GLMN: variants seen among roughly 807,000 people sequenced by gnomAD.
GLMN encodes the protein glomulin, FKBP associated protein, also known as glomulin.
In GLMN, 75 loss-of-function variants were observed where a neutral mutation model predicts 87.8. The ratio of observed to expected loss-of-function variants is 0.85; its 90% CI spans 0.71 to 1.04. The LOEUF (loss-of-function observed/expected upper bound fraction) is 1.04. Among genes scored for constraint, GLMN ranks in the 50% least tolerant of loss-of-function variants. The pLI, the probability that GLMN is intolerant of heterozygous loss-of-function variation, is 0.00. For synonymous variants in GLMN, 206 were observed against 221.6 expected, an observed-to-expected ratio of 0.93 and a Z score of 0.63; for missense variants, 588 against 658.8, an observed-to-expected ratio of 0.89 and a Z score of 1.18.
intron 16 of GLMN, among the ~76,000 whole-genome samples, chr1:92,257,154 G>C (rs935990284): frequency 6.6e-6 from 1 of 152,122 alleles, no homozygotes; most frequent in Non-Finnish European, 1.5e-5. Context: ...ATTCACAATT[G>C]CTACAAAGAG....
upstream of GLMN, chr1:92,300,177 CTG>C (rs1424332079): frequency 5.7e-6 from 9 of 1,584,840 alleles, no homozygotes; most frequent in South Asian, 1.1e-5. Context: ...TAGCACATGA[CTG>C]TATTTTTATT....
the GLMN span, among the ~76,000 whole-genome samples, chr1:92,350,502 G>A: frequency 8.5e-5 from 13 of 152,122 alleles, no homozygotes; most frequent in African/African-American, 2.7e-4. Context: ...ATCTGATTTT[G>A]TTCCTGGAAA....
At chr1:92,247,227 TA>T in intron 17 of GLMN, 83 bp from the exon 18 acceptor site, 1 of 776,966 alleles carries the variant, frequency 1.3e-6, no homozygotes. Context: ...TTCACTAACT[TA>T]AAACATGTCA....
chr1:92,364,659 C>G, the GLMN span, among the ~76,000 whole-genome samples: 20 of 152,276 alleles, frequency 1.3e-4, no homozygotes, highest in African/African-American at 4.8e-4. Context: ...TCTCTCATAT[C>G]TAATCAATTG....
At chr1:92,338,410 C>T in the GLMN span, among the ~76,000 whole-genome samples, 2 of 152,110 alleles carry the variant, frequency 1.3e-5, no homozygotes, top group African/African-American at 2.4e-5. Flanking sequence ...TTAGTAATGA[C>T]GAGAGACATT....
chr1:92,286,666 T>C (rs1648793318), intron 6 of GLMN, 74 bp from the exon 7 acceptor site: 1 of 779,744 alleles, frequency 1.3e-6, no homozygotes. Context: ...CAAATCTAAG[T>C]TAATTTTACT....
chr1:92,276,675 C>T (rs1647333992), intron 7 of GLMN, among the ~76,000 whole-genome samples: 1 of 152,086 alleles, frequency 6.6e-6, no homozygotes, highest in Non-Finnish European at 1.5e-5. Flanking sequence ...AAAATTTTAA[C>T]AAAAGGTAAT....
chr1:92,246,764 T>A, intron 18 of GLMN, 118 bp from the exon 19 acceptor site: 1 of 726,922 alleles, frequency 1.4e-6, no homozygotes, highest in Non-Finnish European at 2.5e-6. Context: ...GGTACAGTGG[T>A]TTGCACCTGT....
intron 16 of GLMN, among the ~76,000 whole-genome samples, chr1:92,252,381 G>A (rs993914055): frequency 1.3e-5 from 2 of 152,114 alleles, no homozygotes; most frequent in East Asian, 3.9e-4. Context: ...GCTATAGAGT[G>A]AGACCCCAAC....
chr1:92,363,520 G>A, the GLMN span, among the ~76,000 whole-genome samples: 1 of 152,164 alleles, frequency 6.6e-6, no homozygotes, highest in South Asian at 2.1e-4. Context: ...CAGTGAAGTA[G>A]GGTATGAGGT....
the GLMN span, among the ~76,000 whole-genome samples, chr1:92,358,444 A>C: frequency 2.8e-4 from 42 of 152,244 alleles, no homozygotes; most frequent in Non-Finnish European, 4.7e-4. Flanking sequence ...TAGATAAAAT[A>C]TCTCTATACA....
the GLMN span, among the ~76,000 whole-genome samples, chr1:92,324,742 G>A: frequency 6.6e-6 from 1 of 152,106 alleles, no homozygotes; most frequent in Non-Finnish European, 1.5e-5. Context: ...GTGTGTGTGT[G>A]TTTAATGGAA....
the GLMN span, chr1:92,304,013 G>T: frequency 6.8e-6 from 11 of 1,612,930 alleles, no homozygotes; most frequent in Non-Finnish European, 9.3e-6. Context: ...CAGTGATGTC[G>T]TGGATGAACG....
intron 7 of GLMN, among the ~76,000 whole-genome samples, chr1:92,282,698 T>G (rs1648224041): frequency 6.6e-6 from 1 of 152,078 alleles, no homozygotes; most frequent in Non-Finnish European, 1.5e-5. Flanking sequence ...GCTGCTTTTT[T>G]GAAAAGATCA....
intron 16 of GLMN, 174 bp from the exon 17 acceptor site, chr1:92,248,163 G>C (rs907250727): frequency 2.0e-5 from 11 of 563,766 alleles, no homozygotes; most frequent in Non-Finnish European, 3.5e-5. Context: ...CCAATTAAAA[G>C]AAAAATGTAC....
the GLMN span, among the ~76,000 whole-genome samples, chr1:92,317,809 A>T: frequency 6.6e-6 from 1 of 152,146 alleles, no homozygotes; most frequent in African/African-American, 2.4e-5. Context: ...AAAAATAACA[A>T]GTTGTATAGC....
At chr1:92,280,342 C>A (rs1392620274) in intron 7 of GLMN, among the ~76,000 whole-genome samples, 2 of 152,182 alleles carry the variant, frequency 1.3e-5, no homozygotes, top group African/African-American at 2.4e-5. Flanking sequence ...TGGAGTGGAC[C>A]TCTAGCAAAC....
chr1:92,285,760 A>T (rs1648677091), intron 7 of GLMN, among the ~76,000 whole-genome samples: 1 of 152,230 alleles, frequency 6.6e-6, no homozygotes, highest in Non-Finnish European at 1.5e-5. Context: ...ACATGGCTGA[A>T]GAAAACTACA....
chr1:92,284,584 C>T (rs1197208948), intron 7 of GLMN, among the ~76,000 whole-genome samples: 2 of 152,050 alleles, frequency 1.3e-5, no homozygotes, highest in South Asian at 2.1e-4. Context: ...GATTAAAACA[C>T]CAAAAGGAAT....
Sources: gnomAD v4.1 joint callset for allele counts (sites outside exome capture counted in the v4.1 genomes callset) on GRCh38, gnomAD v4.1.1 for gene constraint, MANE v1.5 for transcripts, NCBI Gene and HGNC (gene_info 2026-07-23, HGNC 2026-07-21) for gene names.